The following TCEAL9 variants were observed in gnomAD, a reference collection of about 807,000 sequenced individuals.
The protein encoded by TCEAL9 is transcription elongation factor A protein-like 9.
TCEAL9 carries 2 observed loss-of-function variants against 5.2 expected under a neutral mutation model. The observed-to-expected ratio is 0.38, with a 90% CI of 0.16 to 1.21. The LOEUF is 1.21. TCEAL9 is among the 50% of genes most tolerant of loss of function. TCEAL9 has a pLI of 0.35. For missense variants in TCEAL9, 76 were observed against 74.2 expected, an observed-to-expected ratio of 1.02 and a Z score of -0.09; for synonymous variants, 26 against 22.3, an observed-to-expected ratio of 1.17 and a Z score of -0.47.
chrX:103,358,120 T>C lies in TCEAL9; in HGVS notation c.*121T>C. 1.9e-6 allele frequency: 1 copy of C among 538,377 alleles called. No individual in the cohort carries two copies. Among genetic ancestry groups the C allele is most frequent in the Non-Finnish European group, 2.9e-6 (1 of 349,435 alleles). 44.4% of individuals were successfully genotyped at this position (538,377 alleles called of 1,213,427 possible). A position where few individuals can be genotyped will look rare whatever the true frequency, so the allele number is the denominator to read the frequency against. On this transcript the variant is annotated 3_prime_UTR_variant, in exon 3 of 3. Transcript: ENST00000372661. Reference sequence around the variant, plus strand: ...CTGTTGCTATTAATGGTTTTAGATGTATCTCTTGTTATCTGCATCTCATTG... The same window carrying C: ...CTGTTGCTATTAATGGTTTTAGATGCATCTCTTGTTATCTGCATCTCATTG...
chrX:103,358,010 T>G lies in TCEAL9; in HGVS notation c.*11T>G. 8.5e-7 allele frequency: 1 copy of G among 1,179,962 alleles called. No homozygotes were observed. The highest frequency in any genetic ancestry group is 1.1e-6 in the Non-Finnish European group (1 of 877,458). On this transcript the variant is annotated 3_prime_UTR_variant, in exon 3 of 3. Coordinates refer to ENST00000372661, the MANE Select transcript of TCEAL9 (RefSeq NM_016303.3). ...CCCTATTTAATGTAGTTTACCTTGA[T>G]TTTTATCTGATATTAACAATACCAT...
intron 1 of TCEAL9, 117 bp from the exon 2 acceptor site, chrX:103,356,966 G>C (rs1926885682): frequency 1.8e-5 from 2 of 111,112 alleles, no homozygotes; most frequent in Non-Finnish European, 3.8e-5. Context: ...GGAAACAAAA[G>C]GTGGGAAACT....
At chrX:103,357,519 A>C in intron 2 of TCEAL9, 96 bp from the exon 3 acceptor site, 1 of 627,763 alleles carries the variant, frequency 1.6e-6, no homozygotes, top group Non-Finnish European at 2.3e-6. Context: ...ATTTTATAAC[A>C]GCTCTGAATA....
rs1231900322 is a variant in TCEAL9 at position 103,357,855 on chromosome X, A to G, written c.171A>G (p.Lys57=). The G allele has an allele frequency of 8.3e-7, 1 of 1,212,093 alleles. No individual in the cohort carries two copies. Among genetic ancestry groups the G allele is most frequent in the South Asian group, 1.8e-5 (1 of 57,018 alleles). The part of the protein sequence containing the change: ...ERLIQSLQEF[K]EDIHNRHLSN... ...TGATTCAATCTCTCCAGGAGTTTAA[A>G]GAAGATATACACAACAGGCATTTAA... The change falls in exon 3 of 3, where the codon AAA becomes AAG. Residue 57 remains lysine, a synonymous_variant. Coordinates refer to ENST00000372661, the MANE Select transcript of TCEAL9 (RefSeq NM_016303.3).
rs1246753662 is a variant in TCEAL9, at chrX:103,357,629, AAAG to A, written c.-50_-48del. 2.4e-5 allele frequency: 27 copies of A among 1,121,408 alleles called. No individual in the cohort carries two copies. The highest frequency in any genetic ancestry group is 3.2e-5 in the Non-Finnish European group (27 of 855,088). 92.4% of individuals were successfully genotyped at this position (1,121,408 alleles called of 1,213,427 possible). A position where few individuals can be genotyped will look rare whatever the true frequency, so the allele number is the denominator to read the frequency against. On this transcript the variant is annotated 5_prime_UTR_variant, in exon 3 of 3. Transcript: ENST00000372661. Reference sequence around the variant, plus strand: ...TTGCTTTCTAGAAGTCATTGTATTCAAAGAAGAATAAGCAAGAAAGAAAAGAAG... The same window carrying A: ...TTGCTTTCTAGAAGTCATTGTATTCAAAGAATAAGCAAGAAAGAAAAGAAG...
At position 103,357,828 on chromosome X, in the gene TCEAL9, G is replaced by T. The variant is rs770940278; in HGVS notation, c.144G>T (p.Arg48Ser). The change falls in exon 3 of 3, where the codon AGG (arginine) becomes AGT (serine). Residue 48 changes from arginine (R) to serine (S), a missense_variant. Arg to Ser is a moderately radical substitution (Grantham distance 110). Transcript: ENST00000372661. ...AAGCAAAAGGAACTTTTAGAGAAAG[G>T]CTGATTCAATCTCTCCAGGAGTTTA... ...EAKAKGTFRE[R>S]LIQSLQEFKE... 3.3e-6 allele frequency: 4 copies of T among 1,211,792 alleles called. No homozygotes were observed. Among genetic ancestry groups the T allele is most frequent in the Non-Finnish European group, 4.5e-6 (4 of 895,550 alleles).
chrX:103,357,570 C>A (rs1411867658), intron 2 of TCEAL9, 45 bp from the exon 3 acceptor site: 2 of 976,923 alleles, frequency 2.0e-6, no homozygotes. Flanking sequence ...CAGCACCTGT[C>A]CACTCACCAA....
chrX:103,357,550 C>A (rs1028619617), intron 2 of TCEAL9, 65 bp from the exon 3 acceptor site: 2 of 832,964 alleles, frequency 2.4e-6, no homozygotes, highest in South Asian at 6.0e-5. Context: ...AATGCTAAGG[C>A]CTCTGTCCAC....
chrX:103,357,566 C>T, intron 2 of TCEAL9, 49 bp from the exon 3 acceptor site: 2 of 961,596 alleles, frequency 2.1e-6, no homozygotes, highest in Admixed American at 7.7e-5. Context: ...TCCACAGCAC[C>T]TGTCCACTCA....
At chrX:103,357,560 C>T in intron 2 of TCEAL9, 55 bp from the exon 3 acceptor site, 1 of 924,301 alleles carries the variant, frequency 1.1e-6, no homozygotes, top group Non-Finnish European at 1.5e-6. Context: ...CCTCTGTCCA[C>T]AGCACCTGTC....
chrX:103,357,916 G>C lies in TCEAL9; in HGVS notation c.232G>C (p.Asp78His). The change falls in exon 3 of 3, where the codon GAT becomes CAT. Residue 78 changes from aspartate (D) to histidine (H), a missense_variant. Physicochemically the swap from Asp to His is moderately conservative, Grantham distance 81. Coordinates refer to ENST00000372661, the MANE Select transcript of TCEAL9 (RefSeq NM_016303.3). ...EDMFREVDEI[D>H]EIRRVRNKLI... ...TATGTTTAGAGAAGTGGATGAAATA[G>C]ATGAGATAAGGAGAGTCAGAAACAA... The C allele has an allele frequency of 2.5e-6, 3 of 1,212,141 alleles. No homozygotes were observed. Among genetic ancestry groups the C allele is most frequent in the Non-Finnish European group, 3.3e-6 (3 of 895,590 alleles).
In TCEAL9 at chrX:103,358,132, T is replaced by A; in HGVS notation, c.*133T>A. 1.9e-6 allele frequency: 1 copy of A among 513,770 alleles called. No homozygotes were observed. The highest frequency in any genetic ancestry group is 3.0e-6 in the Non-Finnish European group (1 of 329,033). 42.3% of individuals were successfully genotyped at this position (513,770 alleles called of 1,213,427 possible). A position where few individuals can be genotyped will look rare whatever the true frequency, so the allele number is the denominator to read the frequency against. On this transcript the variant is annotated 3_prime_UTR_variant, in exon 3 of 3. Coordinates refer to ENST00000372661, the MANE Select transcript of TCEAL9 (RefSeq NM_016303.3). ...ATGGTTTTAGATGTATCTCTTGTTA[T>A]CTGCATCTCATTGTTTATTGTATTT...
chrX:103,358,027 C>T lies in TCEAL9; in HGVS notation c.*28C>T, dbSNP rs773017492. 1.3e-5 allele frequency: 15 copies of T among 1,140,713 alleles called. No homozygotes were observed. The highest frequency in any genetic ancestry group is 1.1e-4 in the African/African-American group (6 of 55,360). 94.0% of individuals were successfully genotyped at this position (1,140,713 alleles called of 1,213,427 possible). On this transcript the variant is annotated 3_prime_UTR_variant, in exon 3 of 3. Coordinates refer to ENST00000372661, the MANE Select transcript of TCEAL9 (RefSeq NM_016303.3). ...TACCTTGATTTTTATCTGATATTAA[C>T]AATACCATATAGCTTGCTTTTTATT...
Position 103,357,785 on chromosome X carries a change from A to G in TCEAL9, c.101A>G (p.Lys34Arg). ...KPEEKPEEEE[K>R]LEEEAKAKGT... ...GAGGAAAAGCCAGAAGAGGAGGAGA[A>G]GCTAGAGGAGGAGGCCAAAGCAAAA... Residue 34 changes from lysine (K) to arginine (R), a missense_variant, in exon 3 of 3, where the codon AAG becomes AGG. Transcript: ENST00000372661. The G allele has an allele frequency of 2.5e-6, 3 of 1,211,833 alleles. No homozygotes were observed. The South Asian group carries it at 5.3e-5, about 21-fold the overall frequency.
Position 103,357,734 on chromosome X carries a change from C to T in TCEAL9, c.50C>T (p.Pro17Leu). The change falls in exon 3 of 3, where the codon CCA becomes CTA. Residue 17 changes from proline to leucine, a missense_variant. Transcript: ENST00000372661. The part of the protein sequence containing the change: ...MEGKPENESE[P>L]KHEEEPKPEE... Reference sequence around the variant, plus strand: ...GGAAAACCAGAAAATGAGAGTGAACCAAAGCATGAGGAAGAGCCAAAGCCT... The same window carrying T: ...GGAAAACCAGAAAATGAGAGTGAACTAAAGCATGAGGAAGAGCCAAAGCCT... 1.7e-6 allele frequency: 2 copies of T among 1,210,001 alleles called. No homozygotes were observed. Among genetic ancestry groups the T allele is most frequent in the East Asian group, 3.0e-5 (1 of 33,787 alleles).
intron 1 of TCEAL9, chrX:103,356,811 C>CT (rs2147704097): frequency 9.0e-6 from 1 of 110,885 alleles, no homozygotes; most frequent in Non-Finnish European, 1.9e-5. Flanking sequence ...CCTCTGCTAT[C>CT]TAAGACTGCT....
intron 2 of TCEAL9, 86 bp from the exon 3 acceptor site, chrX:103,357,529 A>T (rs967127442): frequency 2.0e-5 from 14 of 700,886 alleles, no homozygotes; most frequent in Middle Eastern, 4.7e-4. Flanking sequence ...AGCTCTGAAT[A>T]AAAAAAATTA....
chrX:103,357,366 G>A lies in TCEAL9; in HGVS notation c.-71+205G>A, dbSNP rs143790941. 9.7e-4 allele frequency: 169 copies of A among 175,088 alleles called. 3 individuals carry two copies. The East Asian group carries it at 0.019, about 20-fold the overall frequency. 14.4% of individuals were successfully genotyped at this position (175,088 alleles called of 1,213,427 possible). A position where few individuals can be genotyped will look rare whatever the true frequency, so the allele number is the denominator to read the frequency against. ...TAGGCCCTATGGGGGAAAAAGGTCT[G>A]GGGAGGGCTGGACGGCGGAAAGGAG... On this transcript the variant is annotated intron_variant, in intron 2 of 2. Coordinates refer to ENST00000372661, the MANE Select transcript of TCEAL9 (RefSeq NM_016303.3).
At position 103,357,654 on chromosome X, in the gene TCEAL9, G is replaced by T. The variant is rs182504260; in HGVS notation, c.-31G>T. 1.6e-4 allele frequency: 180 copies of T among 1,149,306 alleles called. 1 individual carries two copies. The African/African-American group carries it at 2.4e-3, about 15-fold the overall frequency. The allele number at this position is 1,149,306 out of a possible 1,213,427, so 94.7% of individuals were successfully genotyped here. On this transcript the variant is annotated 5_prime_UTR_variant, in exon 3 of 3. Coordinates refer to ENST00000372661, the MANE Select transcript of TCEAL9 (RefSeq NM_016303.3). ...AAAGAAGAATAAGCAAGAAAGAAAA[G>T]AAGGAAGGAAGAGAGGTAGACAGAT... is the stretch of plus-strand genomic sequence containing the variant.
Sources: allele counts gnomAD v4.1 joint callset, GRCh38; gene constraint gnomAD v4.1.1; transcripts MANE v1.5; gene names NCBI Gene and HGNC (gene_info 2026-07-23, HGNC 2026-07-21).